ZNF285: variants seen among roughly 807,000 people sequenced by gnomAD.
ZNF285 encodes zinc finger protein 285.
In ZNF285, 4 loss-of-function variants were observed where a neutral mutation model predicts 6.2. The ratio of observed to expected loss-of-function variants is 0.65; its 90% CI spans 0.32 to 1.49. The LOEUF is 1.49. Among genes scored for constraint, ZNF285 ranks in the 40% most tolerant of loss-of-function variants. ZNF285 has a pLI of 0.07. For synonymous variants in ZNF285, 240 were observed against 245.8 expected (o/e 0.98, Z 0.22); for missense variants, 695 against 708.8 (o/e 0.98, Z 0.22).
chr19:44,385,349 G>A lies in ZNF285; in HGVS notation c.*1123C>T, dbSNP rs556279472. 5 of 152,124 alleles carry A rather than the reference G, an allele frequency of 3.3e-5. No homozygotes were observed. The highest frequency in any genetic ancestry group is 2.1e-4 in the South Asian group (1 of 4,808). 9.4% of individuals were successfully genotyped at this position (152,124 alleles called of 1,614,324 possible). A position where few individuals can be genotyped will look rare whatever the true frequency, so the allele number is the denominator to read the frequency against. On this transcript the variant is annotated 3_prime_UTR_variant, in exon 4 of 4. Transcript: ENST00000614994. ...TTCTCTATTATATGAGATTTCTTAC[G>A]TCGGTGGGTTATACTTTTCAGTAAA...
chr19:44,391,284 T>C (rs1388440158), intron 3 of ZNF285, among the ~76,000 whole-genome samples: 2 of 151,970 alleles, frequency 1.3e-5, no homozygotes, highest in African/African-American at 4.8e-5. Context: ...CCAGTACACG[T>C]CTATCTTTTG....
At chr19:44,398,629 T>G (rs933950792) in intron 1 of ZNF285, among the ~76,000 whole-genome samples, 5 of 152,154 alleles carry the variant, frequency 3.3e-5, no homozygotes, top group Non-Finnish European at 7.3e-5. Context: ...TATCCTTTGT[T>G]GATTACCACA....
Position 44,392,375 on chromosome 19 carries a change from A to G in ZNF285, c.107T>C (p.Val36Ala). 6.2e-7 allele frequency: 1 copy of G among 1,613,870 alleles called. No homozygotes were observed. Among genetic ancestry groups the G allele is most frequent in the East Asian group, 2.2e-5 (1 of 44,888 alleles). The change falls in exon 3 of 4, where the codon GTG becomes GCG. Residue 36 changes from valine to alanine, a missense_variant. Val to Ala is a moderately conservative substitution (Grantham distance 64). Coordinates refer to ENST00000614994, the MANE Select transcript of ZNF285 (RefSeq NM_152354.6). ...GAGGTTCCTGAAGTTTTCCAGCATC[A>G]CATCTTGGTACAGGTTTATCTGGGC... ...DKAQINLYQD[V>A]MLENFRNLML...
chr19:44,385,071 C>T lies in ZNF285; in HGVS notation c.*1401G>A, dbSNP rs1971048471. 1 of 144,668 alleles carries T rather than the reference C, an allele frequency of 6.9e-6. No homozygotes were observed. Among genetic ancestry groups the T allele is most frequent in the Non-Finnish European group, 1.5e-5 (1 of 66,500 alleles). The allele number at this position is 144,668 out of a possible 1,614,324, so 9.0% of individuals were successfully genotyped here. On this transcript the variant is annotated 3_prime_UTR_variant, in exon 4 of 4. Coordinates refer to ENST00000614994, the MANE Select transcript of ZNF285 (RefSeq NM_152354.6). ...TCATCTATTATCCCCAATTAAATGA[C>T]AAATTTGGGGGGAAACTGACAGAAA... is the stretch of plus-strand genomic sequence containing the variant.
chr19:44,386,336 G>A lies in ZNF285; in HGVS notation c.*136C>T, dbSNP rs893559906. On this transcript the variant is annotated 3_prime_UTR_variant, in exon 4 of 4. Transcript: ENST00000614994. Reference sequence around the variant, plus strand: ...CACAGTCCTTGCCTGGCACACTTCAGTGCTGCAGGCTGACATTATCGATGG... The same window carrying A: ...CACAGTCCTTGCCTGGCACACTTCAATGCTGCAGGCTGACATTATCGATGG... 1.5e-5 allele frequency: 14 copies of A among 963,138 alleles called. No homozygotes were observed. Among genetic ancestry groups the A allele is most frequent in the Admixed American group, 1.4e-4 (5 of 34,982 alleles). The allele number at this position is 963,138 out of a possible 1,614,324, so 59.7% of individuals were successfully genotyped here. A position where few individuals can be genotyped will look rare whatever the true frequency, so the allele number is the denominator to read the frequency against.
At chr19:44,388,182 G>T in intron 3 of ZNF285, 80 bp from the exon 4 acceptor site, 1 of 1,352,640 alleles carries the variant, frequency 7.4e-7, no homozygotes, top group South Asian at 1.4e-5. Flanking sequence ...AATATGATGG[G>T]GTGGGAAGTT....
intron 2 of ZNF285, chr19:44,392,744 T>A: frequency 1.8e-6 from 1 of 567,232 alleles, no homozygotes; most frequent in Non-Finnish European, 3.2e-6. Flanking sequence ...ATAAGGACAC[T>A]AATCCTATTG....
intron 2 of ZNF285, chr19:44,392,684 T>G (rs529439727): frequency 2.4e-6 from 2 of 827,370 alleles, no homozygotes; most frequent in Non-Finnish European, 4.0e-6. Context: ...GCTCTCACTG[T>G]GTCCTTACAT....
intron 3 of ZNF285, among the ~76,000 whole-genome samples, chr19:44,388,372 G>C (rs2123265961): frequency 6.6e-6 from 1 of 151,800 alleles, no homozygotes; most frequent in East Asian, 1.9e-4. Flanking sequence ...TCAAGCCCAG[G>C]AGATCAACAC....
Position 44,390,883 on chromosome 19 carries a change from C to T in ZNF285, c.142+1457G>A, listed in dbSNP as rs78407933. On this transcript the variant is annotated intron_variant, in intron 3 of 3. Coordinates refer to ENST00000614994, the MANE Select transcript of ZNF285 (RefSeq NM_152354.6). Reference sequence around the variant, plus strand: ...AAAAAGGGGAGTTTCCAGCTGGGCACGGTGGCTTGCACCTGTAATCCCAGC... The same window carrying T: ...AAAAAGGGGAGTTTCCAGCTGGGCATGGTGGCTTGCACCTGTAATCCCAGC... 3.3e-5 allele frequency among the ~76,000 whole-genome samples: 5 copies of T among 152,064 alleles called. No homozygotes were observed. In the East Asian group the frequency reaches 7.8e-4, roughly 24 times the overall value.
intron 3 of ZNF285, among the ~76,000 whole-genome samples, chr19:44,391,181 C>T (rs1194212028): frequency 6.6e-6 from 1 of 151,688 alleles, no homozygotes; most frequent in Non-Finnish European, 1.5e-5. Flanking sequence ...TTTCCCTGCA[C>T]AAGCTCTCTT....
intron 1 of ZNF285, among the ~76,000 whole-genome samples, chr19:44,401,266 C>A (rs559830772): frequency 1.3e-5 from 2 of 152,272 alleles, no homozygotes; most frequent in Admixed American, 1.3e-4. Flanking sequence ...CCCTAAGCTT[C>A]GACCCGAGGA....
At chr19:44,391,090 G>T (rs1246257794) in intron 3 of ZNF285, among the ~76,000 whole-genome samples, 1 of 150,936 alleles carries the variant, frequency 6.6e-6, no homozygotes, top group Non-Finnish European at 1.5e-5. Context: ...GGAGGTGGAG[G>T]TTGCAGTGAG....
At position 44,382,392 on chromosome 19, in the gene ZNF285, G is replaced by C. The variant is rs1200721891; in HGVS notation, c.*4080C>G. The C allele has an allele frequency of 6.9e-6, 1 of 143,944 alleles. No homozygotes were observed. Among genetic ancestry groups the C allele is most frequent in the Non-Finnish European group, 1.5e-5 (1 of 67,048 alleles). The allele number at this position is 143,944 out of a possible 1,614,324, so 8.9% of individuals were successfully genotyped here. A position where few individuals can be genotyped will look rare whatever the true frequency, so the allele number is the denominator to read the frequency against. The stretch of plus-strand genomic sequence containing the variant: ...TGGCTCATTGCAACCTCCACCTCCT[G>C]TGCTCAAGCGATTCTCCTGCCTCAG... On this transcript the variant is annotated 3_prime_UTR_variant, in exon 4 of 4. Transcript: ENST00000614994.
At chr19:44,400,668 G>A (rs1971360296) in intron 1 of ZNF285, among the ~76,000 whole-genome samples, 1 of 151,962 alleles carries the variant, frequency 6.6e-6, no homozygotes, top group African/African-American at 2.4e-5. Context: ...TCCGCCTCCC[G>A]GGTTCACGCC....
At chr19:44,393,673 T>A (rs1971234012) in intron 2 of ZNF285, among the ~76,000 whole-genome samples, 1 of 152,182 alleles carries the variant, frequency 6.6e-6, no homozygotes. Flanking sequence ...GCATCATCAC[T>A]GGCCATCAGA....
intron 3 of ZNF285, among the ~76,000 whole-genome samples, chr19:44,391,735 T>C (rs893397336): frequency 1.3e-5 from 2 of 152,034 alleles, no homozygotes; most frequent in Non-Finnish European, 1.5e-5. Context: ...GGTAGGAACA[T>C]AGCCAAACCA....
rs528761034 is a variant in ZNF285 at position 44,401,270 on chromosome 19, C to A, written c.-44+298G>T. On this transcript the variant is annotated intron_variant, in intron 1 of 3. Transcript: ENST00000614994. ...CCCAAGACTGACCCTAAGCTTCGAC[C>A]CGAGGAGGCACAGCGCAAGTCGCTG... Among the ~76,000 whole-genome samples, 10 of 152,308 alleles carry A rather than the reference C, an allele frequency of 6.6e-5. No individual in the cohort carries two copies. In the East Asian group the frequency reaches 1.9e-3, roughly 29 times the overall value.
At chr19:44,397,049 A>T (rs1049233801) in intron 2 of ZNF285, 150 bp downstream of exon 2, 32 of 1,178,348 alleles carry the variant, frequency 2.7e-5, no homozygotes, top group African/African-American at 2.0e-4. Flanking sequence ...AAGGGAGTCA[A>T]ACCACCTGCC....
Sources: gnomAD v4.1 joint callset for allele counts (sites outside exome capture counted in the v4.1 genomes callset) on GRCh38, gnomAD v4.1.1 for gene constraint, MANE v1.5 for transcripts, NCBI Gene and HGNC (gene_info 2026-07-23, HGNC 2026-07-21) for gene names.